Variants in SBF2 observed in about 807,000 individuals in gnomAD.
The protein encoded by SBF2 is SET binding factor 2.
Under a neutral mutation model 225.2 loss-of-function variants are expected in SBF2, and 112 were observed. The observed-to-expected ratio is 0.50, with a 90% CI of 0.43 to 0.58. SBF2 has a LOEUF of 0.58. SBF2 is among the 20% of genes least tolerant of loss of function. SBF2 has a pLI of 0.00. For missense variants in SBF2, 1,996 were observed against 2,206.2 expected (o/e 0.90, Z 1.91); for synonymous variants, 763 against 773.3 (o/e 0.99, Z 0.22).
intron 16 of SBF2, among the ~76,000 whole-genome samples, chr11:9,952,766 A>T (rs1230778564): frequency 1.3e-5 from 2 of 152,116 alleles, no homozygotes; most frequent in African/African-American, 4.8e-5. Flanking sequence ...TCTACACTAT[A>T]CTCACTAATA....
At position 10,033,535 on chromosome 11, in the gene SBF2, A is replaced by T. The variant is rs188854780; in HGVS notation, c.280-2365T>A. Among the ~76,000 whole-genome samples the T allele has an allele frequency of 2.3e-4, 35 of 152,232 alleles. No homozygotes were observed. The Middle Eastern group carries it at 0.01, about 44-fold the overall frequency. The stretch of plus-strand genomic sequence containing the variant: ...TACGATGTTGACTTTTCCTTTGTAA[A>T]TGTGCTACAAATCCTAAAATATTCT... On this transcript the variant is annotated intron_variant, in intron 3 of 39. Transcript: ENST00000256190.
chr11:9,995,606 C>T (rs888813493), intron 9 of SBF2, among the ~76,000 whole-genome samples: 3 of 151,064 alleles, frequency 2.0e-5, no homozygotes, highest in African/African-American at 7.3e-5. Context: ...TCTTTTTGGT[C>T]TAGTTTGACA....
At chr11:9,906,824 C>G (rs1266693822) in intron 16 of SBF2, among the ~76,000 whole-genome samples, 1 of 152,136 alleles carries the variant, frequency 6.6e-6, no homozygotes, top group Admixed American at 6.6e-5. Context: ...CTGAACTTTG[C>G]TTTGTAATTT....
intron 17 of SBF2, among the ~76,000 whole-genome samples, chr11:9,878,842 T>A (rs1382981274): frequency 2.0e-5 from 3 of 152,228 alleles, no homozygotes; most frequent in African/African-American, 7.2e-5. Flanking sequence ...AATCTCCTGC[T>A]ATCAGTACTG....
chr11:9,817,495 A>G (rs969446968), intron 28 of SBF2, among the ~76,000 whole-genome samples: 1 of 152,206 alleles, frequency 6.6e-6, no homozygotes, highest in South Asian at 2.1e-4. Context: ...TAGAAACTTC[A>G]TAAGTCTACT....
At chr11:10,183,296 A>C (rs1397682980) in intron 2 of SBF2, among the ~76,000 whole-genome samples, 1 of 152,174 alleles carries the variant, frequency 6.6e-6, no homozygotes, top group Non-Finnish European at 1.5e-5. Flanking sequence ...CCAATGGTAA[A>C]TAGTAAAAAC....
chr11:10,227,487 T>C (rs1958623817), intron 1 of SBF2, among the ~76,000 whole-genome samples: 1 of 152,190 alleles, frequency 6.6e-6, no homozygotes, highest in Non-Finnish European at 1.5e-5. Context: ...CCATCTTGAA[T>C]TAATTTTTGT....
At chr11:9,833,746 T>C (rs538738882) in intron 26 of SBF2, among the ~76,000 whole-genome samples, 1 of 148,846 alleles carries the variant, frequency 6.7e-6, no homozygotes, top group African/African-American at 2.5e-5. Context: ...TGGGAAAATA[T>C]ACCTAACATA....
intron 15 of SBF2, 55 bp from the exon 16 acceptor site, chr11:9,962,161 C>T (rs1866615982): frequency 6.6e-7 from 1 of 1,519,946 alleles, no homozygotes; most frequent in Non-Finnish European, 9.1e-7. Context: ...GAAACAACAA[C>T]TTTCAAACAA....
intron 6 of SBF2, among the ~76,000 whole-genome samples, chr11:10,006,420 G>C (rs1948192540): frequency 6.6e-6 from 1 of 152,138 alleles, no homozygotes; most frequent in Non-Finnish European, 1.5e-5. Context: ...TATGCTTTTT[G>C]TTCCTGTTAC....
chr11:10,272,600 C>T (rs1412655067), intron 1 of SBF2, among the ~76,000 whole-genome samples: 5 of 152,082 alleles, frequency 3.3e-5, no homozygotes, highest in Non-Finnish European at 7.4e-5. Context: ...GGCAAAACCC[C>T]GTCTCTACTA....
Position 9,839,694 on chromosome 11 carries a change from A to C in SBF2, c.3259T>G (p.Ser1087Ala). 6.2e-7 allele frequency: 1 copy of C among 1,611,828 alleles called. No homozygotes were observed. The highest frequency in any genetic ancestry group is 8.5e-7 in the Non-Finnish European group (1 of 1,178,898). The change falls in exon 26 of 40, where the codon TCA (serine) becomes GCA (alanine). Residue 1087 changes from serine (S) to alanine (A), a missense_variant and splice_region_variant. Transcript: ENST00000256190. Reference sequence around the variant, plus strand: ...CTTGTGGGGAGCTCACTCTCATCTGAAACTGTGATGGTAGAGACAGATATC... The same window carrying C: ...CTTGTGGGGAGCTCACTCTCATCTGCAACTGTGATGGTAGAGACAGATATC... ...GWNEDDDVSV[S>A]DESELPTSTT... is the part of the protein sequence containing the mutation.
intron 2 of SBF2, among the ~76,000 whole-genome samples, chr11:10,068,261 T>C (rs116189290): frequency 2.7e-3 from 404 of 152,316 alleles, no homozygotes; most frequent in African/African-American, 9.0e-3. Context: ...TCATAGGCAA[T>C]TGAGTTCTGA....
At chr11:10,292,747 T>C (rs908058855) in intron 1 of SBF2, among the ~76,000 whole-genome samples, 3 of 149,654 alleles carry the variant, frequency 2.0e-5, no homozygotes, top group Non-Finnish European at 4.4e-5. Context: ...CACTAAAAAC[T>C]AAAGGTTAAA....
chr11:9,858,143 T>G (rs1590238918), intron 18 of SBF2, 83 bp downstream of exon 18: 2 of 1,492,922 alleles, frequency 1.3e-6, no homozygotes, highest in South Asian at 1.1e-5. Flanking sequence ...GTAGCTAGAG[T>G]TTTTTTTGCC....
At chr11:9,954,211 G>A (rs1866017091) in intron 16 of SBF2, among the ~76,000 whole-genome samples, 1 of 152,142 alleles carries the variant, frequency 6.6e-6, no homozygotes, top group African/African-American at 2.4e-5. Context: ...GGATAGGAAA[G>A]ACAGAAGAAT....
intron 2 of SBF2, among the ~76,000 whole-genome samples, chr11:10,055,562 CA>C (rs1950226766): frequency 1.3e-5 from 2 of 149,678 alleles, no homozygotes; most frequent in South Asian, 2.1e-4. Flanking sequence ...CACACACACA[CA>C]CACACACACC....
At chr11:9,987,669 T>C (rs951712654) in intron 13 of SBF2, among the ~76,000 whole-genome samples, 1 of 151,748 alleles carries the variant, frequency 6.6e-6, no homozygotes, top group East Asian at 1.9e-4. Context: ...CCCTTTACAA[T>C]AGCTGCAAAA....
chr11:10,105,879 CAGAG>C (rs1331882357), intron 2 of SBF2, among the ~76,000 whole-genome samples: 1 of 152,134 alleles, frequency 6.6e-6, no homozygotes, highest in Admixed American at 6.5e-5. Context: ...TGATAGCTGA[CAGAG>C]GGAGGTGCAT....
Sources: allele counts gnomAD v4.1 joint callset (sites outside exome capture counted in the v4.1 genomes callset), GRCh38; gene constraint gnomAD v4.1.1; transcripts MANE v1.5; gene names NCBI Gene and HGNC (gene_info 2026-07-23, HGNC 2026-07-21).